The following ZNF18 variants were observed in gnomAD, a reference collection of about 807,000 sequenced individuals.
ZNF18 encodes the protein heart development-specific gene 1 protein.
In ZNF18, 42 loss-of-function variants were observed where a neutral mutation model predicts 58.1. The ratio of observed to expected loss-of-function variants is 0.72; its 90% CI spans 0.56 to 0.93. ZNF18 has a LOEUF of 0.93. Ranked by LOEUF, ZNF18 falls within the 40% of genes least tolerant of loss-of-function variation. ZNF18 has a pLI of 0.00. For synonymous variants in ZNF18, 231 were observed against 239.8 expected, an observed-to-expected ratio of 0.96 and a Z score of 0.34; for missense variants, 540 against 644.2, an observed-to-expected ratio of 0.84 and a Z score of 1.75.
the ZNF18 span, among the ~76,000 whole-genome samples, chr17:12,015,065 C>T: frequency 6.6e-6 from 1 of 151,828 alleles, no homozygotes; most frequent in Non-Finnish European, 1.5e-5. Flanking sequence ...ACAAAAAAAA[C>T]CCCACTGAAT....
chr17:12,006,852 TA>T, the ZNF18 span, among the ~76,000 whole-genome samples: 4 of 152,170 alleles, frequency 2.6e-5, no homozygotes, highest in Admixed American at 6.6e-5. Flanking sequence ...AGAAACATGA[TA>T]AAAGTCTCAA....
chr17:12,003,298 G>T, the ZNF18 span, among the ~76,000 whole-genome samples: 1 of 152,088 alleles, frequency 6.6e-6, no homozygotes, highest in South Asian at 2.1e-4. Flanking sequence ...AATAAGCCAG[G>T]CATGGTGGCA....
At chr17:12,009,862 T>G in the ZNF18 span, among the ~76,000 whole-genome samples, 3 of 152,178 alleles carry the variant, frequency 2.0e-5, no homozygotes, top group Non-Finnish European at 4.4e-5. Context: ...ATACACCAAA[T>G]GATCTATTAA....
chr17:11,990,442 G>A lies in ZNF18; in HGVS notation c.666+20C>T, dbSNP rs746889111. The A allele has an allele frequency of 1.0e-5, 16 of 1,602,630 alleles. No homozygotes were observed. Among genetic ancestry groups the A allele is most frequent in the South Asian group, 3.4e-5 (3 of 89,284 alleles). On this transcript the variant is annotated intron_variant, in intron 4 of 6. Transcript: ENST00000580306. ...AAAGGTAAAAAGTTTCCTTTTCATC[G>A]CTTTTGTACGTCAGCTCACCTGAGG...
chr17:11,978,222 T>C lies in ZNF18; in HGVS notation c.1385A>G (p.Lys462Arg). ...CCCACAGTAATCACATTTACAGGGC[T>C]TCTCTCCCGTGTGAGTTCTCTGATG... Reference protein sequence around the residue: ...VKHQRTHTGEKPCKCDYCGKG... With the variant: ...VKHQRTHTGERPCKCDYCGKG... The change falls in exon 7 of 7, where the codon AAG becomes AGG. Residue 462 changes from lysine to arginine, a missense_variant. Coordinates refer to ENST00000580306, the MANE Select transcript of ZNF18 (RefSeq NM_001303281.2). The C allele has an allele frequency of 6.2e-7, 1 of 1,614,114 alleles. No individual in the cohort carries two copies. Among genetic ancestry groups the C allele is most frequent in the African/African-American group, 1.3e-5 (1 of 75,064 alleles).
chr17:12,011,779 C>T, the ZNF18 span, among the ~76,000 whole-genome samples: 1 of 141,462 alleles, frequency 7.1e-6, no homozygotes, highest in Non-Finnish European at 1.5e-5. Context: ...TGGCTCACTT[C>T]CACCTCTGCC....
the ZNF18 span, among the ~76,000 whole-genome samples, chr17:12,010,508 C>G: frequency 6.6e-6 from 1 of 151,924 alleles, no homozygotes; most frequent in Non-Finnish European, 1.5e-5. Context: ...CTCTGTCTCC[C>G]GGGTTCAAGA....
At chr17:12,012,561 T>G in the ZNF18 span, among the ~76,000 whole-genome samples, 1 of 152,374 alleles carries the variant, frequency 6.6e-6, no homozygotes, top group Admixed American at 6.5e-5. Flanking sequence ...GCTGTGCCAA[T>G]GTACATTCCC....
At chr17:12,000,158 T>A (rs1254780730), upstream of ZNF18, among the ~76,000 whole-genome samples, 1 of 151,984 alleles carries the variant, frequency 6.6e-6, no homozygotes, top group Non-Finnish European at 1.5e-5. Context: ...TGACCTCAGG[T>A]GATCCACCCA....
chr17:11,983,416 A>G lies in ZNF18; in HGVS notation c.752-9T>C, dbSNP rs780643935. 3.7e-6 allele frequency: 6 copies of G among 1,605,062 alleles called. No individual in the cohort carries two copies. The highest frequency in any genetic ancestry group is 3.4e-6 in the Non-Finnish European group (4 of 1,172,018). ...GGGATGGGAAATGCCTGCTATAGAG[A>G]GAAAGATGTATGGTGGGCCTGGATG... On this transcript the variant is annotated splice_polypyrimidine_tract_variant and intron_variant, in intron 5 of 6. Coordinates refer to ENST00000580306, the MANE Select transcript of ZNF18 (RefSeq NM_001303281.2).
intron 5 of ZNF18, 52 bp from the exon 6 acceptor site, chr17:11,983,459 G>T (rs1967516255): frequency 6.9e-7 from 1 of 1,439,986 alleles, no homozygotes; most frequent in Non-Finnish European, 9.8e-7. Context: ...AAGACTGGGA[G>T]CTCAAGCTGT....
Position 11,983,311 on chromosome 17 carries a change from C to T in ZNF18, c.848G>A (p.Arg283Lys). The part of the protein sequence containing the change: ...IYLHVNEKIP[R>K]PTCIGDRQEN... The stretch of plus-strand genomic sequence containing the variant: ...AGATTACTCACCTATGCAGGTGGGT[C>T]TTGGGATCTTCTCATTGACATGAAG... The change falls in exon 6 of 7, where the codon AGA (arginine) becomes AAA (lysine). Residue 283 changes from arginine to lysine, a missense_variant. Arg to Lys is a conservative substitution (Grantham distance 26). Transcript: ENST00000580306. The T allele has an allele frequency of 1.2e-6, 2 of 1,613,022 alleles. No individual in the cohort carries two copies. Among genetic ancestry groups the T allele is most frequent in the Non-Finnish European group, 8.5e-7 (1 of 1,179,036 alleles).
At chr17:12,007,388 T>A in the ZNF18 span, among the ~76,000 whole-genome samples, 5 of 152,204 alleles carry the variant, frequency 3.3e-5, no homozygotes, top group African/African-American at 1.2e-4. Flanking sequence ...AGAGGCCCCA[T>A]GTCCCTTTAA....
At chr17:12,019,294 ATGTGTGTGTGTG>A in the ZNF18 span, among the ~76,000 whole-genome samples, 2,210 of 145,426 alleles carry the variant, frequency 0.015, 53 homozygotes, top group African/African-American at 0.049. Context: ...ATAATATTGG[ATGTGTGTGTGTG>A]TGTGTGTGTG....
chr17:12,020,817 C>T, the ZNF18 span: 1 of 680,504 alleles, frequency 1.5e-6, no homozygotes, highest in African/African-American at 1.9e-5. Context: ...CCTCGCCCCT[C>T]GGCCGTGCGA....
At chr17:11,982,492 A>G (rs953764305) in intron 6 of ZNF18, among the ~76,000 whole-genome samples, 4 of 152,178 alleles carry the variant, frequency 2.6e-5, no homozygotes, top group African/African-American at 9.7e-5. Flanking sequence ...ACGTTGTGTA[A>G]AATTAAAATC....
upstream of ZNF18, among the ~76,000 whole-genome samples, chr17:11,998,822 C>CTTTTTTTTTT (rs71142260): frequency 4.4e-3 from 475 of 108,504 alleles, no homozygotes; most frequent in East Asian, 5.3e-3. Flanking sequence ...AGTTTCTAGT[C>CTTTTTTTTTT]TTTTTTTTTT....
Position 11,977,713 on chromosome 17 carries a change from A to G in ZNF18, c.*244T>C. On this transcript the variant is annotated 3_prime_UTR_variant, in exon 7 of 7. Coordinates refer to ENST00000580306, the MANE Select transcript of ZNF18 (RefSeq NM_001303281.2). ...CTTTTTCCCCGATGGGTCCAAAGGA[A>G]GGATGAGTGGAAACATGAAGACTAT... 4.5e-6 allele frequency: 2 copies of G among 449,144 alleles called. No homozygotes were observed. Among genetic ancestry groups the G allele is most frequent in the South Asian group, 5.0e-5 (1 of 20,062 alleles). The allele number at this position is 449,144 out of a possible 1,614,324, so 27.8% of individuals were successfully genotyped here.
chr17:12,000,509 G>A (rs945610056), upstream of ZNF18, among the ~76,000 whole-genome samples: 7 of 152,142 alleles, frequency 4.6e-5, no homozygotes, highest in African/African-American at 1.7e-4. Context: ...TGCACTTCGA[G>A]ACCAGCCTAA....
Sources: allele counts gnomAD v4.1 joint callset (sites outside exome capture counted in the v4.1 genomes callset), GRCh38; gene constraint gnomAD v4.1.1; transcripts MANE v1.5; gene names NCBI Gene and HGNC (gene_info 2026-07-23, HGNC 2026-07-21).